Variants in MAPK8IP3 observed in about 807,000 individuals in gnomAD.
MAPK8IP3 encodes the protein C-Jun-amino-terminal kinase-interacting protein 3.
MAPK8IP3 carries 49 observed loss-of-function variants against 157.8 expected under a neutral mutation model. The observed-to-expected ratio is 0.31, with a 90% CI of 0.25 to 0.39. The LOEUF (loss-of-function observed/expected upper bound fraction) is 0.39, where lower values mean the gene tolerates loss of function less well. Ranked by LOEUF, MAPK8IP3 falls within the 10% of genes least tolerant of loss-of-function variation. MAPK8IP3 has a pLI of 1.00. For missense variants in MAPK8IP3, 1,478 were observed against 1,889.4 expected, an observed-to-expected ratio of 0.78 and a Z score of 4.04; for synonymous variants, 897 against 777.7, an observed-to-expected ratio of 1.15 and a Z score of -2.55.
In MAPK8IP3 at chr16:1,758,893, G is replaced by A. The variant is rs2041772259; in HGVS notation, c.1229-85G>A. On this transcript the variant is annotated intron_variant, in intron 9 of 31. Transcript: ENST00000610761. ...TCCTCCCAGCCTGCTGTCCACACGG[G>A]CTTAACGCGCTTCTCTTCTCTCCCT... 2.1e-6 allele frequency: 3 copies of A among 1,462,384 alleles called. No individual in the cohort carries two copies. In the South Asian group the frequency reaches 3.4e-5, roughly 17 times the overall value. 90.6% of individuals were successfully genotyped at this position (1,462,384 alleles called of 1,614,324 possible). A position where few individuals can be genotyped will look rare whatever the true frequency, so the allele number is the denominator to read the frequency against.
intron 4 of MAPK8IP3, among the ~76,000 whole-genome samples, chr16:1,733,661 G>A (rs2039463695): frequency 6.6e-6 from 1 of 152,228 alleles, no homozygotes; most frequent in Admixed American, 6.5e-5. Context: ...GGCGCCGAGA[G>A]TTCAGTGGGA....
chr16:1,748,402 G>C, intron 7 of MAPK8IP3, 56 bp downstream of exon 7: 3 of 1,463,134 alleles, frequency 2.1e-6, no homozygotes, highest in African/African-American at 1.4e-5. Context: ...ATCCAAGTCG[G>C]TGTCTTTGGT....
intron 16 of MAPK8IP3, among the ~76,000 whole-genome samples, 198 bp downstream of exon 16, chr16:1,763,204 C>T (rs1014722881): frequency 1.1e-4 from 17 of 152,230 alleles, no homozygotes; most frequent in African/African-American, 3.1e-4. Context: ...TTTGGCTCCA[C>T]GGTATTTGGT....
At chr16:1,761,418 G>A in intron 13 of MAPK8IP3, 113 bp downstream of exon 13, 1 of 920,606 alleles carries the variant, frequency 1.1e-6, no homozygotes, top group Admixed American at 1.8e-5. Context: ...ACCATTCACA[G>A]GCAGAGCGGC....
chr16:1,760,347 C>T, intron 11 of MAPK8IP3, 33 bp from the exon 12 acceptor site: 2 of 1,595,830 alleles, frequency 1.3e-6, no homozygotes, highest in Non-Finnish European at 1.7e-6. Flanking sequence ...TATGCCGCGC[C>T]CGTGGCACTC....
chr16:1,736,301 AGCGT>A, intron 4 of MAPK8IP3, among the ~76,000 whole-genome samples: 1 of 57,054 alleles, frequency 1.8e-5, no homozygotes, highest in African/African-American at 6.9e-5. Context: ...TGTGACCGTG[AGCGT>A]CCGTGTGAGC....
chr16:1,720,616 G>A (rs1003484228), intron 1 of MAPK8IP3, among the ~76,000 whole-genome samples: 23 of 152,280 alleles, frequency 1.5e-4, no homozygotes, highest in African/African-American at 4.6e-4. Context: ...CCTATAGACC[G>A]AGACTCATAA....
chr16:1,722,064 C>G (rs370177199), intron 1 of MAPK8IP3, among the ~76,000 whole-genome samples: 6 of 152,214 alleles, frequency 3.9e-5, no homozygotes, highest in African/African-American at 1.4e-4. Context: ...GCCACCGCAC[C>G]CAGACAACTT....
At chr16:1,737,425 CGTGT>C (rs780610378) in intron 4 of MAPK8IP3, among the ~76,000 whole-genome samples, 2 of 90,766 alleles carry the variant, frequency 2.2e-5, no homozygotes, top group Admixed American at 1.2e-4. Context: ...TGTGAGCGTC[CGTGT>C]GAGTGTGTGA....
At chr16:1,761,119 C>G (rs2041908238) in intron 12 of MAPK8IP3, 105 bp from the exon 13 acceptor site, 1 of 903,940 alleles carries the variant, frequency 1.1e-6, no homozygotes. Flanking sequence ...GCCCCCAGCC[C>G]TGCACAGAGG....
chr16:1,717,964 G>A (rs2038263937), intron 1 of MAPK8IP3, among the ~76,000 whole-genome samples: 1 of 151,834 alleles, frequency 6.6e-6, no homozygotes, highest in East Asian at 1.9e-4. Flanking sequence ...CCATTCTCCT[G>A]CCTCAGCCTC....
intron 8 of MAPK8IP3, chr16:1,752,578 A>G: frequency 3.3e-6 from 1 of 298,888 alleles, no homozygotes; most frequent in Non-Finnish European, 6.7e-6. Context: ...CCCCATCTCT[A>G]CAAAACATTT....
chr16:1,760,823 G>A (rs1006306276), intron 12 of MAPK8IP3, among the ~76,000 whole-genome samples: 1 of 152,200 alleles, frequency 6.6e-6, no homozygotes, highest in South Asian at 2.1e-4. Context: ...CACGGCCCCC[G>A]GAGAGCTGTA....
intron 6 of MAPK8IP3, 64 bp from the exon 7 acceptor site, chr16:1,748,180 C>CGTGAGCA (rs1315827519): frequency 2.3e-6 from 3 of 1,282,326 alleles, no homozygotes; most frequent in East Asian, 2.3e-5. Flanking sequence ...CGAGGGCAGC[C>CGTGAGCA]GTGAGCAGGG....
chr16:1,763,120 C>A, intron 16 of MAPK8IP3, 114 bp downstream of exon 16: 1 of 1,388,340 alleles, frequency 7.2e-7, no homozygotes, highest in Non-Finnish European at 9.9e-7. Flanking sequence ...CTCCACCTTG[C>A]TGGCCACATG....
Position 1,737,770 on chromosome 16 carries a change from G to T in MAPK8IP3, c.603-5562G>T, listed in dbSNP as rs529581843. ...TGACCATCCGTGTGTGTGACCATCCGTGTGAGTGACCATCCATGTGAGCAT... is the reference window on the plus strand; with the variant it reads ...TGACCATCCGTGTGTGTGACCATCCTTGTGAGTGACCATCCATGTGAGCAT... On this transcript the variant is annotated intron_variant, in intron 4 of 31. Transcript: ENST00000610761. Among the ~76,000 whole-genome samples the T allele has an allele frequency of 5.3e-4, 9 of 17,046 alleles. 1 individual carries two copies. The highest frequency in any genetic ancestry group is 6.9e-4 in the Non-Finnish European group (8 of 11,560). 11.2% of individuals were successfully genotyped at this position (17,046 alleles called of 152,430 possible). A position where few individuals can be genotyped will look rare whatever the true frequency, so the allele number is the denominator to read the frequency against.
chr16:1,762,496 C>A lies in MAPK8IP3; in HGVS notation c.1670+15C>A, dbSNP rs775180761. 1.2e-6 allele frequency: 2 copies of A among 1,611,470 alleles called. No individual in the cohort carries two copies. The highest frequency in any genetic ancestry group is 1.7e-6 in the Non-Finnish European group (2 of 1,179,084). On this transcript the variant is annotated intron_variant, in intron 14 of 31. Coordinates refer to ENST00000610761, the MANE Select transcript of MAPK8IP3 (RefSeq NM_001318852.2). ...GAGATGATCAGGTGGGAGTTGCGGC[C>A]ACCCCAGGAGGGGCTGCGGGATCAT...
At chr16:1,729,632 C>T (rs546457095) in intron 4 of MAPK8IP3, 54 bp downstream of exon 4, 147 of 1,492,478 alleles carry the variant, frequency 9.8e-5, no homozygotes, top group Admixed American at 4.7e-4. Context: ...GGCGGAGGTA[C>T]GCAGGACGCG....
chr16:1,747,808 A>G lies in MAPK8IP3; in HGVS notation c.995-436A>G, dbSNP rs531490148. On this transcript the variant is annotated intron_variant, in intron 6 of 31. Coordinates refer to ENST00000610761, the MANE Select transcript of MAPK8IP3 (RefSeq NM_001318852.2). The stretch of plus-strand genomic sequence containing the variant: ...ACAGCCCCACTAACCAGTAACCTGC[A>G]TCGCCCCACGGCACACAGTCCCACT... 1.5e-4 allele frequency among the ~76,000 whole-genome samples: 22 copies of G among 146,272 alleles called. 1 individual carries two copies. The South Asian group carries it at 4.8e-3, about 32-fold the overall frequency.
Sources: allele counts gnomAD v4.1 joint callset (sites outside exome capture counted in the v4.1 genomes callset), GRCh38; gene constraint gnomAD v4.1.1; transcripts MANE v1.5; gene names NCBI Gene and HGNC (gene_info 2026-07-23, HGNC 2026-07-21).